Variants in PIGK observed in about 807,000 individuals in gnomAD.
The protein encoded by PIGK is GPI-anchor transamidase.
In PIGK, 42 loss-of-function variants were observed where a neutral mutation model predicts 50.6. The ratio of observed to expected loss-of-function variants is 0.83; its 90% CI spans 0.65 to 1.07. The LOEUF (loss-of-function observed/expected upper bound fraction) is 1.07. Ranked by LOEUF, PIGK falls within the 50% of genes least tolerant of loss-of-function variation. The pLI is 0.00. For synonymous variants in PIGK, 151 were observed against 156.0 expected (o/e 0.97, Z 0.24); for missense variants, 448 against 488.7 (o/e 0.92, Z 0.78).
At chr1:77,121,115 C>T (rs903917451) in intron 10 of PIGK, among the ~76,000 whole-genome samples, 2 of 152,168 alleles carry the variant, frequency 1.3e-5, no homozygotes, top group African/African-American at 4.8e-5. Context: ...TCTGAGCAAA[C>T]CACAAACTGT....
chr1:77,203,218 A>G lies in PIGK; in HGVS notation c.239+3422T>C, dbSNP rs537186058. Among the ~76,000 whole-genome samples, 25 of 152,320 alleles carry G rather than the reference A, an allele frequency of 1.6e-4. No homozygotes were observed. The South Asian group carries it at 5.0e-3, about 30-fold the overall frequency. On this transcript the variant is annotated intron_variant, in intron 3 of 10. Coordinates refer to ENST00000370812, the MANE Select transcript of PIGK (RefSeq NM_005482.3). ...AACTTTCAGGAGTGATTGTGGCTCA[A>G]TGTTTGCTTCACATACTAACCTTAG... is the stretch of plus-strand genomic sequence containing the variant.
intron 3 of PIGK, among the ~76,000 whole-genome samples, chr1:77,187,779 G>A (rs1337435678): frequency 1.3e-5 from 2 of 152,244 alleles, no homozygotes; most frequent in African/African-American, 2.4e-5. Flanking sequence ...TGGGTCACCT[G>A]TTGCGGGAAG....
At chr1:77,161,262 T>C in intron 8 of PIGK, 33 bp downstream of exon 8, 1 of 977,274 alleles carries the variant, frequency 1.0e-6, no homozygotes, top group Middle Eastern at 2.1e-4. Flanking sequence ...TTAGCATACC[T>C]ATGTGCTATA....
Position 77,092,407 on chromosome 1 carries a change from A to C in PIGK, c.1155T>G (p.Thr385=), listed in dbSNP as rs2100504588. The C allele has an allele frequency of 6.3e-7, 1 of 1,599,964 alleles. No individual in the cohort carries two copies. The highest frequency in any genetic ancestry group is 1.1e-5 in the South Asian group (1 of 89,456). The change falls in exon 11 of 11, where the codon ACT becomes ACG. Residue 385 remains threonine (T), a synonymous_variant. Transcript: ENST00000370812. ...TGAACTTCATATGCTTAATTCCATA[A>C]GTTTTGAAGAAAACCATGATAATAA... is the stretch of plus-strand genomic sequence containing the variant. The part of the protein sequence containing the change: ...WALIIMVFFK[T]YGIKHMKFIF
intron 9 of PIGK, among the ~76,000 whole-genome samples, chr1:77,151,981 T>C (rs1319355118): frequency 6.6e-6 from 1 of 152,130 alleles, no homozygotes; most frequent in East Asian, 1.9e-4. Flanking sequence ...ATGGCACTTT[T>C]CATATAAATA....
In PIGK at chr1:77,206,613, A is replaced by G. The variant is rs574988915; in HGVS notation, c.239+27T>C. The G allele has an allele frequency of 2.5e-5, 30 of 1,200,916 alleles. No homozygotes were observed. The South Asian group carries it at 3.4e-4, about 14-fold the overall frequency. 74.4% of individuals were successfully genotyped at this position (1,200,916 alleles called of 1,614,324 possible). ...TAAGGGTTATTTTCACTGAAGTTCA[A>G]GGTTAAGCTTTATTAAGGCTTCTTA... On this transcript the variant is annotated intron_variant, in intron 3 of 10. Transcript: ENST00000370812.
chr1:77,179,022 C>A (rs1452628793), intron 3 of PIGK, among the ~76,000 whole-genome samples: 2 of 152,142 alleles, frequency 1.3e-5, no homozygotes, highest in African/African-American at 2.4e-5. Flanking sequence ...ATGCGCTAGG[C>A]CCCAACAGAC....
At chr1:77,100,854 C>T (rs905670385) in intron 10 of PIGK, among the ~76,000 whole-genome samples, 1 of 152,124 alleles carries the variant, frequency 6.6e-6, no homozygotes, top group Non-Finnish European at 1.5e-5. Context: ...CTGACTGACA[C>T]CCTCAGTCCT....
intron 3 of PIGK, among the ~76,000 whole-genome samples, chr1:77,197,327 A>G (rs60276611): frequency 0.011 from 1,740 of 152,322 alleles, 37 homozygotes; most frequent in African/African-American, 0.04. Context: ...GGCTATTTCC[A>G]GGTTTACTGA....
intron 9 of PIGK, among the ~76,000 whole-genome samples, chr1:77,133,486 C>T (rs941300151): frequency 6.6e-6 from 1 of 152,022 alleles, no homozygotes; most frequent in African/African-American, 2.4e-5. Context: ...GAGTTTGCTT[C>T]TATATTCTGT....
chr1:77,109,151 T>A (rs1374053167), intron 10 of PIGK, among the ~76,000 whole-genome samples: 1 of 151,940 alleles, frequency 6.6e-6, no homozygotes, highest in African/African-American at 2.4e-5. Flanking sequence ...CAGGACCAGA[T>A]GGATTCACAG....
intron 3 of PIGK, among the ~76,000 whole-genome samples, chr1:77,189,799 G>A (rs1421917008): frequency 5.4e-5 from 7 of 129,492 alleles, no homozygotes; most frequent in African/African-American, 1.5e-4. Context: ...ATACATATAC[G>A]TATATGTATA....
intron 1 of PIGK, among the ~76,000 whole-genome samples, chr1:77,216,912 T>C (rs1385693667): frequency 1.3e-5 from 2 of 152,178 alleles, no homozygotes; most frequent in East Asian, 3.8e-4. Context: ...TTTTTGTGGT[T>C]GTCTAGACAA....
In PIGK at chr1:77,195,011, C is replaced by A. The variant is rs2100578607; in HGVS notation, c.239+11629G>T. On this transcript the variant is annotated intron_variant, in intron 3 of 10. Transcript: ENST00000370812. ...AGCAGTGAAAAAGCTCCAAACTCCA[C>A]CAAGCTCCTGCAGAAGAATAACCTG... The A allele has an allele frequency of 2.4e-5, 18 of 746,982 alleles. 2 individuals carry two copies. The highest frequency in any genetic ancestry group is 2.3e-4 in the South Asian group (17 of 75,362). The allele number at this position is 746,982 out of a possible 1,614,324, so 46.3% of individuals were successfully genotyped here. A position where few individuals can be genotyped will look rare whatever the true frequency, so the allele number is the denominator to read the frequency against.
In PIGK at chr1:77,091,784, G is replaced by C. The variant is rs560013409; in HGVS notation, c.*590C>G. ...TTAATACATTAAAGAATAAACCAAAGGAAAACATTTGGTACAATGTAAGTG... is the reference window on the plus strand; with the variant it reads ...TTAATACATTAAAGAATAAACCAAACGAAAACATTTGGTACAATGTAAGTG... On this transcript the variant is annotated 3_prime_UTR_variant, in exon 11 of 11. Coordinates refer to ENST00000370812, the MANE Select transcript of PIGK (RefSeq NM_005482.3). The C allele has an allele frequency of 7.9e-5, 12 of 152,114 alleles. No individual in the cohort carries two copies. Among genetic ancestry groups the C allele is most frequent in the Middle Eastern group, 3.4e-3 (1 of 294 alleles). The allele number at this position is 152,114 out of a possible 1,614,324, so 9.4% of individuals were successfully genotyped here. A position where few individuals can be genotyped will look rare whatever the true frequency, so the allele number is the denominator to read the frequency against.
chr1:77,137,975 C>T (rs534428982), intron 9 of PIGK, among the ~76,000 whole-genome samples: 117 of 152,238 alleles, frequency 7.7e-4, no homozygotes, highest in Non-Finnish European at 1.5e-3. Flanking sequence ...ATCTAATGTT[C>T]TTGTAGGTCT....
At chr1:77,183,348 C>A (rs1430284987) in intron 3 of PIGK, among the ~76,000 whole-genome samples, 1 of 152,174 alleles carries the variant, frequency 6.6e-6, no homozygotes, top group African/African-American at 2.4e-5. Flanking sequence ...AGCCTTTCCA[C>A]CTTTGTCTGA....
chr1:77,109,895 A>G (rs1653796883), intron 10 of PIGK, among the ~76,000 whole-genome samples: 1 of 152,228 alleles, frequency 6.6e-6, no homozygotes. Flanking sequence ...CTTAGCTGAT[A>G]AGCAACTTCA....
rs1655124822 is a variant in PIGK at position 77,161,414 on chromosome 1, A to AG, written c.703-10dup. 1.4e-6 allele frequency: 2 copies of AG among 1,407,008 alleles called. No individual in the cohort carries two copies. The highest frequency in any genetic ancestry group is 1.4e-5 in the African/African-American group (1 of 70,610). 87.2% of individuals were successfully genotyped at this position (1,407,008 alleles called of 1,614,324 possible). ...GCAGGATCAGGTTGATGCTATGGAA[A>AG]GGGGGAAAAAAAGTATTTCTAACAG... is the stretch of plus-strand genomic sequence containing the variant. On this transcript the variant is annotated splice_polypyrimidine_tract_variant and intron_variant, in intron 7 of 10. Coordinates refer to ENST00000370812, the MANE Select transcript of PIGK (RefSeq NM_005482.3).
Sources: gnomAD v4.1 joint callset for allele counts (sites outside exome capture counted in the v4.1 genomes callset) on GRCh38, gnomAD v4.1.1 for gene constraint, MANE v1.5 for transcripts, NCBI Gene and HGNC (gene_info 2026-07-23, HGNC 2026-07-21) for gene names.